Variants in LRATD1 observed in about 807,000 individuals in gnomAD.
LRATD1 encodes LRAT domain containing 1.
LRATD1 carries 8 observed loss-of-function variants against 21.3 expected under a neutral mutation model. That is an observed-to-expected ratio of 0.38 (90% CI 0.22 to 0.68). LRATD1 has a LOEUF of 0.68. LRATD1 is among the 30% of genes least tolerant of loss of function. The pLI is 0.54. For synonymous variants in LRATD1, 210 were observed against 186.2 expected (o/e 1.13, Z -1.04); for missense variants, 380 against 404.0 (o/e 0.94, Z 0.51).
At chr2:14,649,206 G>A (rs1002738944) in intron 4 of LRATD1, 48 of 447,648 alleles carry the variant, frequency 1.1e-4, no homozygotes, top group African/African-American at 9.0e-4. Flanking sequence ...TTGGGGGAGG[G>A]GGGATGTGGA....
Position 14,633,915 on chromosome 2 carries a change from G to A in LRATD1, c.-36-29G>A, listed in dbSNP as rs998639813. 4.5e-6 allele frequency: 7 copies of A among 1,544,320 alleles called. No homozygotes were observed. The African/African-American group carries it at 5.4e-5, about 12-fold the overall frequency. Reference sequence around the variant, plus strand: ...CGAAAGGGGCAGCCCGGACTCTGACGGTGTCTCTGCCTCTCTGTGCCTCCG... The same window carrying A: ...CGAAAGGGGCAGCCCGGACTCTGACAGTGTCTCTGCCTCTCTGTGCCTCCG... On this transcript the variant is annotated intron_variant, in intron 1 of 1. Transcript: ENST00000295092. The surrounding 1 kb of genome is among the most constrained non-coding windows in gnomAD (Gnocchi z 7.5).
rs534974858 is a variant in LRATD1 at position 14,633,352 on chromosome 2, G to T, written c.-37+415G>T. ...TCGTCGCGAAGGTTTGTCATTGTGG[G>T]TGTATGTGACATACACCAGTATACC... On this transcript the variant is annotated intron_variant, in intron 1 of 1. Transcript: ENST00000295092. The surrounding 1 kb of genome is among the most constrained non-coding windows in gnomAD (Gnocchi z 7.5). 6.6e-6 allele frequency among the ~76,000 whole-genome samples: 1 copy of T among 152,192 alleles called. No individual in the cohort carries two copies. The highest frequency in any genetic ancestry group is 6.5e-5 in the Admixed American group (1 of 15,286).
In LRATD1 at chr2:14,639,444, G is replaced by C. The variant is rs563633051; in HGVS notation, c.*4586G>C. 2 of 166,792 alleles carry C rather than the reference G, an allele frequency of 1.2e-5. No individual in the cohort carries two copies. The highest frequency in any genetic ancestry group is 2.9e-5 in the Non-Finnish European group (2 of 68,082). 10.3% of individuals were successfully genotyped at this position (166,792 alleles called of 1,614,324 possible). On this transcript the variant is annotated 3_prime_UTR_variant, in exon 2 of 2. Coordinates refer to ENST00000295092, the MANE Select transcript of LRATD1 (RefSeq NM_145175.4). The stretch of plus-strand genomic sequence containing the variant: ...ATAAACTTTTCAACAGGGGACACCT[G>C]TTCTCCCTTCTAACTGAAGACACTA...
downstream of LRATD1, chr2:14,650,686 T>C (rs568593722): frequency 1.3e-5 from 2 of 152,344 alleles, no homozygotes; most frequent in East Asian, 3.9e-4. Flanking sequence ...ATCAATTTAA[T>C]GGTTGCAAAG....
In LRATD1 at chr2:14,637,031, T is replaced by G. The variant is rs1198949866; in HGVS notation, c.*2173T>G. 6.0e-6 allele frequency: 1 copy of G among 167,132 alleles called. No homozygotes were observed. Among genetic ancestry groups the G allele is most frequent in the Non-Finnish European group, 1.5e-5 (1 of 68,124 alleles). 10.4% of individuals were successfully genotyped at this position (167,132 alleles called of 1,614,324 possible). On this transcript the variant is annotated 3_prime_UTR_variant, in exon 2 of 2. Coordinates refer to ENST00000295092, the MANE Select transcript of LRATD1 (RefSeq NM_145175.4). ...TTTCAGCACAAACAACAGCAAAAAC[T>G]TTTGTAATAACTAACTTACCTTTGC... is the stretch of plus-strand genomic sequence containing the variant.
chr2:14,645,754 A>G (rs1295617728), intron 2 of LRATD1, among the ~76,000 whole-genome samples: 2 of 152,212 alleles, frequency 1.3e-5, no homozygotes, highest in Non-Finnish European at 2.9e-5. Context: ...ATTACTTACA[A>G]TAGTGTCCTG....
At chr2:14,648,484 G>A (rs985028222) in intron 4 of LRATD1, among the ~76,000 whole-genome samples, 1 of 152,120 alleles carries the variant, frequency 6.6e-6, no homozygotes, top group Non-Finnish European at 1.5e-5. Flanking sequence ...TGAGAAGAGT[G>A]GCATTGTTTC....
Position 14,633,898 on chromosome 2 carries a change from G to A in LRATD1, c.-36-46G>A, listed in dbSNP as rs1671610478. ...GTCTTGGGGAGGGACACCGAAAGGGGCAGCCCGGACTCTGACGGTGTCTCT... is the reference window on the plus strand; with the variant it reads ...GTCTTGGGGAGGGACACCGAAAGGGACAGCCCGGACTCTGACGGTGTCTCT... On this transcript the variant is annotated intron_variant, in intron 1 of 1. Transcript: ENST00000295092. The surrounding 1 kb of genome is among the most constrained non-coding windows in gnomAD (Gnocchi z 7.5). The A allele has an allele frequency of 6.6e-7, 1 of 1,507,934 alleles. No homozygotes were observed. The highest frequency in any genetic ancestry group is 1.3e-5 in the South Asian group (1 of 76,290). 93.4% of individuals were successfully genotyped at this position (1,507,934 alleles called of 1,614,324 possible).
At chr2:14,641,743 C>T (rs1030358058), downstream of LRATD1, among the ~76,000 whole-genome samples, 4 of 152,186 alleles carry the variant, frequency 2.6e-5, no homozygotes, top group Non-Finnish European at 4.4e-5. Flanking sequence ...TTGTAGAACA[C>T]GTAGTTTTCA....
In LRATD1 at chr2:14,634,736, A is replaced by G; in HGVS notation, c.757A>G (p.Lys253Glu). The G allele has an allele frequency of 6.4e-7, 1 of 1,565,402 alleles. No individual in the cohort carries two copies. Among genetic ancestry groups the G allele is most frequent in the Non-Finnish European group, 8.7e-7 (1 of 1,152,446 alleles). ...YYLKVHLGENKVHTARFHSLE... is the reference protein window; with the variant it reads ...YYLKVHLGENEVHTARFHSLE... The stretch of plus-strand genomic sequence containing the variant: ...TCTCAAGGTGCACCTGGGAGAGAAC[A>G]AGGTCCACACCGCCAGGTTTCACAG... The change falls in exon 2 of 2, where the codon AAG (lysine) becomes GAG (glutamate). Residue 253 changes from lysine to glutamate, a missense_variant. Coordinates refer to ENST00000295092, the MANE Select transcript of LRATD1 (RefSeq NM_145175.4).
rs931309602 is a variant in LRATD1 at position 14,637,390 on chromosome 2, G to T, written c.*2532G>T. ...TCTCACTAAGAGGGTCACTCTCATAGAGGAATGTCTTGTCAGTTTTATACT... is the reference window on the plus strand; with the variant it reads ...TCTCACTAAGAGGGTCACTCTCATATAGGAATGTCTTGTCAGTTTTATACT... On this transcript the variant is annotated 3_prime_UTR_variant, in exon 2 of 2. Transcript: ENST00000295092. 6.0e-6 allele frequency: 1 copy of T among 167,024 alleles called. No individual in the cohort carries two copies. The highest frequency in any genetic ancestry group is 2.4e-5 in the African/African-American group (1 of 41,454). The allele number at this position is 167,024 out of a possible 1,614,324, so 10.3% of individuals were successfully genotyped here. A position where few individuals can be genotyped will look rare whatever the true frequency, so the allele number is the denominator to read the frequency against.
rs1440756953 is a variant in LRATD1 at position 14,639,511 on chromosome 2, A to G, written c.*4653A>G. 3.6e-5 allele frequency: 6 copies of G among 166,984 alleles called. No individual in the cohort carries two copies. Among genetic ancestry groups the G allele is most frequent in the Admixed American group, 2.6e-4 (4 of 15,290 alleles). The allele number at this position is 166,984 out of a possible 1,614,324, so 10.3% of individuals were successfully genotyped here. The stretch of plus-strand genomic sequence containing the variant: ...CTATCTTTCAATCATTTAGTAATTC[A>G]TAAAATCCCATTATTTCATAACTCA... On this transcript the variant is annotated 3_prime_UTR_variant, in exon 2 of 2. Coordinates refer to ENST00000295092, the MANE Select transcript of LRATD1 (RefSeq NM_145175.4).
At chr2:14,644,042 A>C (rs1671853313), downstream of LRATD1, among the ~76,000 whole-genome samples, 2 of 152,178 alleles carry the variant, frequency 1.3e-5, no homozygotes, top group South Asian at 4.1e-4. Flanking sequence ...TTTTGAAATT[A>C]ATGTCCTAGT....
Position 14,636,912 on chromosome 2 carries a change from A to C in LRATD1, c.*2054A>C, listed in dbSNP as rs1195507103. The C allele has an allele frequency of 6.0e-6, 1 of 167,050 alleles. No individual in the cohort carries two copies. The highest frequency in any genetic ancestry group is 6.5e-5 in the Admixed American group (1 of 15,290). 10.3% of individuals were successfully genotyped at this position (167,050 alleles called of 1,614,324 possible). ...GGATTCATCCCCTGATCTTAAATCA[A>C]AACGTCAGATCAATGAACTATGAAC... On this transcript the variant is annotated 3_prime_UTR_variant, in exon 2 of 2. Coordinates refer to ENST00000295092, the MANE Select transcript of LRATD1 (RefSeq NM_145175.4).
intron 2 of LRATD1, among the ~76,000 whole-genome samples, chr2:14,645,197 A>T (rs1401365674): frequency 1.3e-5 from 2 of 152,218 alleles, no homozygotes; most frequent in Non-Finnish European, 2.9e-5. Context: ...GGCACATAGC[A>T]TTGGCTTTCT....
chr2:14,647,713 T>C (rs1279440660), intron 4 of LRATD1, among the ~76,000 whole-genome samples: 1 of 152,116 alleles, frequency 6.6e-6, no homozygotes, highest in Non-Finnish European at 1.5e-5. Context: ...CACCAGAACT[T>C]GATCATGCTG....
chr2:14,634,053 A>C lies in LRATD1; in HGVS notation c.74A>C (p.Glu25Ala). The change falls in exon 2 of 2, where the codon GAA becomes GCA. Residue 25 changes from glutamate to alanine, a missense_variant. Coordinates refer to ENST00000295092, the MANE Select transcript of LRATD1 (RefSeq NM_145175.4). ...CCCACAGGGGACCCGTCGGGGATTG[A>C]AAAGGACGAACTGCGGGTCGGGGTT... The part of the protein sequence containing the change: ...ELPTGDPSGI[E>A]KDELRVGVAY... The C allele has an allele frequency of 6.2e-7, 1 of 1,614,130 alleles. No homozygotes were observed. Among genetic ancestry groups the C allele is most frequent in the Non-Finnish European group, 8.5e-7 (1 of 1,180,024 alleles).
chr2:14,647,306 G>A (rs897579002), intron 4 of LRATD1, among the ~76,000 whole-genome samples: 1 of 152,052 alleles, frequency 6.6e-6, no homozygotes, highest in Non-Finnish European at 1.5e-5. Context: ...GAGAGAATGG[G>A]TCTTCTCTTA....
chr2:14,647,551 G>C (rs915615842), intron 4 of LRATD1, among the ~76,000 whole-genome samples: 7 of 152,086 alleles, frequency 4.6e-5, no homozygotes, highest in African/African-American at 9.7e-5. Flanking sequence ...AGGAGATGGG[G>C]CCCTTGGGAG....
Sources: allele counts gnomAD v4.1 joint callset (sites outside exome capture counted in the v4.1 genomes callset), GRCh38; gene constraint gnomAD v4.1.1; non-coding constraint Gnocchi (gnomAD v3.1); transcripts MANE v1.5; gene names NCBI Gene and HGNC (gene_info 2026-07-23, HGNC 2026-07-21).